Variants in TRPS1 observed in about 807,000 individuals in gnomAD.
TRPS1 encodes the protein zinc finger transcription factor Trps1.
TRPS1 carries 6 observed loss-of-function variants against 101.2 expected under a neutral mutation model. That is an observed-to-expected ratio of 0.06 (90% CI 0.03 to 0.12). The LOEUF (loss-of-function observed/expected upper bound fraction) is 0.12. TRPS1 is among the 10% of genes least tolerant of loss of function. The pLI, the probability that TRPS1 is intolerant of heterozygous loss-of-function variation, is 1.00. For synonymous variants in TRPS1, 578 were observed against 589.8 expected, an observed-to-expected ratio of 0.98 and a Z score of 0.29; for missense variants, 1,363 against 1,567.0, an observed-to-expected ratio of 0.87 and a Z score of 2.20.
chr8:115,436,644 C>A (rs564819121), intron 5 of TRPS1, among the ~76,000 whole-genome samples: 1 of 152,132 alleles, frequency 6.6e-6, no homozygotes, highest in Non-Finnish European at 1.5e-5. Flanking sequence ...GGACTATGGG[C>A]GTGTACCACT....
At chr8:115,626,091 A>T (rs28447075) in intron 1 of TRPS1, among the ~76,000 whole-genome samples, 85,245 of 151,088 alleles carry the variant, frequency 0.56, 25,634 homozygotes, top group East Asian at 0.84. Flanking sequence ...TTTTATTTTT[A>T]AAAAAACTTT....
chr8:115,576,082 C>CAAGGGG (rs1817311039), intron 5 of TRPS1, among the ~76,000 whole-genome samples: 2 of 152,082 alleles, frequency 1.3e-5, no homozygotes, highest in Non-Finnish European at 2.9e-5. Context: ...TGCTTACTTT[C>CAAGGGG]CTTTAACTTC....
At chr8:115,603,740 A>T in intron 4 of TRPS1, 133 bp downstream of exon 4, 10 of 1,040,778 alleles carry the variant, frequency 9.6e-6, no homozygotes, top group Non-Finnish European at 1.4e-5. Flanking sequence ...ATGAACTTTT[A>T]TGTGGTCTTC....
intron 5 of TRPS1, among the ~76,000 whole-genome samples, chr8:115,474,671 A>G (rs1018401517): frequency 6.6e-6 from 1 of 150,684 alleles, no homozygotes; most frequent in African/African-American, 2.5e-5. Flanking sequence ...GAATTGAATT[A>G]CACTTATTAA....
intron 5 of TRPS1, among the ~76,000 whole-genome samples, chr8:115,471,791 A>G (rs1276200540): frequency 6.6e-6 from 1 of 152,190 alleles, no homozygotes; most frequent in Non-Finnish European, 1.5e-5. Flanking sequence ...AAACAAAATT[A>G]CAGGCCCCAT....
chr8:115,498,126 C>A (rs1206051727), intron 5 of TRPS1, among the ~76,000 whole-genome samples: 1 of 151,958 alleles, frequency 6.6e-6, no homozygotes, highest in Non-Finnish European at 1.5e-5. Flanking sequence ...GCCTGTCATC[C>A]CAGCACTTTG....
chr8:115,547,930 G>A lies in TRPS1; in HGVS notation c.2700+39071C>T, dbSNP rs1018647681. On this transcript the variant is annotated intron_variant, in intron 5 of 6. Coordinates refer to ENST00000395715, the MANE Select transcript of TRPS1 (RefSeq NM_014112.5). ...TTCTATTTTAAGAGAAAACTTCTAC[G>A]CATAATAATCCTAAACCTGGCCAGG... 4.6e-5 allele frequency among the ~76,000 whole-genome samples: 7 copies of A among 152,134 alleles called. No homozygotes were observed. The South Asian group carries it at 6.2e-4, about 14-fold the overall frequency.
chr8:115,619,993 C>T lies in TRPS1; in HGVS notation c.105G>A (p.Glu35=), dbSNP rs369161401. 156 of 1,614,054 alleles carry T rather than the reference C, an allele frequency of 9.7e-5. No individual in the cohort carries two copies. The highest frequency in any genetic ancestry group is 1.5e-4 in the Admixed American group (9 of 60,002). The part of the protein sequence containing the change: ...VASEGEGQIL[E]PIGTESKVSG... ...ATACCTTGCTTTCTGTACCTATAGG[C>T]TCCAGGATCTGGCCCTCGCCTTCAC... Residue 35 remains glutamate, a synonymous_variant, in exon 3 of 7, where the codon GAG becomes GAA. Transcript: ENST00000395715.
intron 5 of TRPS1, among the ~76,000 whole-genome samples, chr8:115,467,863 G>A (rs1414616559): frequency 6.6e-6 from 1 of 152,116 alleles, no homozygotes; most frequent in African/African-American, 2.4e-5. Flanking sequence ...CATAACCTGA[G>A]CTTCTTCCTA....
chr8:115,447,646 G>C lies in TRPS1; in HGVS notation c.2701-29194C>G, dbSNP rs1384999572. On this transcript the variant is annotated intron_variant, in intron 5 of 6. Transcript: ENST00000395715. ...AAAAACTTCAGTTACACTTTAGAAA[G>C]AGTTTGATGCTTTTAGAATGTCATA... Among the ~76,000 whole-genome samples, 8 of 151,478 alleles carry C rather than the reference G, an allele frequency of 5.3e-5. No homozygotes were observed. The East Asian group carries it at 1.4e-3, about 26-fold the overall frequency.
intron 5 of TRPS1, among the ~76,000 whole-genome samples, chr8:115,539,916 T>G (rs1397453062): frequency 6.6e-6 from 1 of 152,186 alleles, no homozygotes; most frequent in African/African-American, 2.4e-5. Flanking sequence ...TGATCCATCA[T>G]CGAGAATCTG....
At chr8:115,571,218 G>C (rs1817195419) in intron 5 of TRPS1, among the ~76,000 whole-genome samples, 1 of 152,012 alleles carries the variant, frequency 6.6e-6, no homozygotes, top group Non-Finnish European at 1.5e-5. Context: ...GTATACTCAG[G>C]GTAGTTCCTT....
intron 3 of TRPS1, among the ~76,000 whole-genome samples, chr8:115,615,461 AT>A (rs1233408381): frequency 6.6e-6 from 1 of 152,220 alleles, no homozygotes; most frequent in African/African-American, 2.4e-5. Flanking sequence ...TATAAGCATA[AT>A]AAAGCAGATT....
intron 5 of TRPS1, chr8:115,515,315 A>G (rs1815683481): frequency 4.3e-6 from 3 of 695,292 alleles, no homozygotes; most frequent in South Asian, 3.0e-5. Flanking sequence ...GTACAGTAAA[A>G]AAGTTAGAAT....
At chr8:115,586,880 C>G in intron 5 of TRPS1, 121 bp downstream of exon 5, 2 of 1,561,812 alleles carry the variant, frequency 1.3e-6, no homozygotes, top group Non-Finnish European at 8.7e-7. Flanking sequence ...TATAAATCCC[C>G]AGATTGAGAC....
chr8:115,466,948 T>C (rs1284709634), intron 5 of TRPS1, among the ~76,000 whole-genome samples: 3 of 152,150 alleles, frequency 2.0e-5, no homozygotes, highest in Non-Finnish European at 1.5e-5. Context: ...CTCTGGAAAT[T>C]ATGCGCTACT....
intron 5 of TRPS1, among the ~76,000 whole-genome samples, chr8:115,442,092 G>C (rs1467230529): frequency 2.6e-5 from 4 of 152,124 alleles, no homozygotes; most frequent in Non-Finnish European, 5.9e-5. Flanking sequence ...TTGGATCCCT[G>C]ATACTTTAGC....
chr8:115,630,485 T>C (rs919539147), intron 1 of TRPS1, among the ~76,000 whole-genome samples: 3 of 151,994 alleles, frequency 2.0e-5, no homozygotes, highest in South Asian at 2.1e-4. Context: ...GAAATACACA[T>C]ATATAATTCC....
At chr8:115,479,544 G>GCAAAA (rs1814698983) in intron 5 of TRPS1, among the ~76,000 whole-genome samples, 1 of 151,972 alleles carries the variant, frequency 6.6e-6, no homozygotes, top group Non-Finnish European at 1.5e-5. Context: ...ACAAAACAAA[G>GCAAAA]CAAAACAAAA....
Sources: allele counts gnomAD v4.1 joint callset (sites outside exome capture counted in the v4.1 genomes callset), GRCh38; gene constraint gnomAD v4.1.1; transcripts MANE v1.5; gene names NCBI Gene and HGNC (gene_info 2026-07-23, HGNC 2026-07-21).